PLCL1: variants seen among roughly 807,000 people sequenced by gnomAD.
The protein encoded by PLCL1 is phospholipase C like 1 (inactive).
A neutral mutation model predicts 84.4 loss-of-function variants in PLCL1; 41 were observed. That is an observed-to-expected ratio of 0.49 (90% CI 0.38 to 0.63). The LOEUF is 0.63. Among genes scored for constraint, PLCL1 ranks in the 30% least tolerant of loss-of-function variants. The pLI is 0.00. For missense variants in PLCL1, 1,206 were observed against 1,367.8 expected, an observed-to-expected ratio of 0.88 and a Z score of 1.87; for synonymous variants, 490 against 488.3, an observed-to-expected ratio of 1.00 and a Z score of -0.05.
At chr2:198,108,588 A>T (rs1693544967) in intron 5 of PLCL1, among the ~76,000 whole-genome samples, 1 of 151,926 alleles carries the variant, frequency 6.6e-6, no homozygotes, top group Non-Finnish European at 1.5e-5. Flanking sequence ...TATTACATTT[A>T]TCTGATATTA....
chr2:197,958,419 T>C (rs1300178804), intron 1 of PLCL1, among the ~76,000 whole-genome samples: 1 of 151,980 alleles, frequency 6.6e-6, no homozygotes, highest in African/African-American at 2.4e-5. Flanking sequence ...TACGAATTTG[T>C]GTTGGGCCGC....
chr2:197,945,088 A>G (rs1689245209), intron 1 of PLCL1, among the ~76,000 whole-genome samples: 1 of 152,208 alleles, frequency 6.6e-6, no homozygotes, highest in Admixed American at 6.5e-5. Flanking sequence ...ATCTTATCTA[A>G]ATGTTTAAAA....
intron 1 of PLCL1, among the ~76,000 whole-genome samples, chr2:197,923,199 G>A (rs1574950595): frequency 2.1e-5 from 3 of 144,686 alleles, no homozygotes; most frequent in Admixed American, 1.4e-4. Context: ...GGCTGGCCGG[G>A]CGGGGGGCTG....
chr2:198,008,288 A>G (rs1486929196), intron 1 of PLCL1, among the ~76,000 whole-genome samples: 1 of 152,052 alleles, frequency 6.6e-6, no homozygotes. Flanking sequence ...ATATACTCAC[A>G]TTGTTGTGCA....
chr2:197,998,439 T>C (rs1690521349), intron 1 of PLCL1, among the ~76,000 whole-genome samples: 1 of 152,022 alleles, frequency 6.6e-6, no homozygotes, highest in Non-Finnish European at 1.5e-5. Flanking sequence ...GAAACAGTGA[T>C]GGTTTCATAG....
chr2:197,964,746 T>A (rs1482601827), intron 1 of PLCL1, among the ~76,000 whole-genome samples: 1 of 152,194 alleles, frequency 6.6e-6, no homozygotes, highest in East Asian at 1.9e-4. Flanking sequence ...TTTATTATTT[T>A]GAGGTATGTT....
At chr2:198,124,591 G>A (rs1693944069) in intron 5 of PLCL1, among the ~76,000 whole-genome samples, 1 of 151,986 alleles carries the variant, frequency 6.6e-6, no homozygotes, top group South Asian at 2.1e-4. Context: ...GGAATTCAGT[G>A]GCACTCAATT....
intron 1 of PLCL1, among the ~76,000 whole-genome samples, chr2:197,842,914 A>T (rs3851979): frequency 0.19 from 29,578 of 152,144 alleles, 2,938 homozygotes; most frequent in East Asian, 0.27. Flanking sequence ...TTTGCTAGGC[A>T]GTAAGGAATA....
intron 1 of PLCL1, among the ~76,000 whole-genome samples, chr2:198,037,314 T>C (rs1001970747): frequency 6.6e-6 from 1 of 152,190 alleles, no homozygotes; most frequent in Non-Finnish European, 1.5e-5. Flanking sequence ...TGGATAAATG[T>C]ACAGTCTTGA....
intron 5 of PLCL1, among the ~76,000 whole-genome samples, chr2:198,132,767 A>G (rs994721527): frequency 8.6e-5 from 13 of 151,970 alleles, no homozygotes; most frequent in Non-Finnish European, 1.6e-4. Context: ...ATTTTCTCCC[A>G]TGTTGTAGGT....
intron 1 of PLCL1, among the ~76,000 whole-genome samples, chr2:197,882,633 G>A (rs1687851698): frequency 6.6e-6 from 1 of 152,018 alleles, no homozygotes; most frequent in East Asian, 1.9e-4. Context: ...ACTCCCAAAT[G>A]TATAGGCAAC....
At chr2:197,942,570 C>T (rs568589143) in intron 1 of PLCL1, among the ~76,000 whole-genome samples, 19 of 152,156 alleles carry the variant, frequency 1.2e-4, no homozygotes, top group Admixed American at 3.3e-4. Flanking sequence ...AAAAGTATGA[C>T]GAGAACTATG....
rs143397376 is a variant in PLCL1 at position 198,012,172 on chromosome 2, T to C, written c.241-71586T>C. On this transcript the variant is annotated intron_variant, in intron 1 of 5. Coordinates refer to ENST00000428675, the MANE Select transcript of PLCL1 (RefSeq NM_006226.4). ...GCTCAGAGTGAATGGAATCTTTCTGTGTGTTACCTACTTTGCAGTGCAGGT... is the reference window on the plus strand; with the variant it reads ...GCTCAGAGTGAATGGAATCTTTCTGCGTGTTACCTACTTTGCAGTGCAGGT... Among the ~76,000 whole-genome samples, 195 of 152,220 alleles carry C rather than the reference T, an allele frequency of 1.3e-3. 1 individual carries two copies. Among genetic ancestry groups the C allele is most frequent in the African/African-American group, 4.1e-3 (170 of 41,548 alleles).
chr2:198,013,044 A>G (rs1438659482), intron 1 of PLCL1, among the ~76,000 whole-genome samples: 2 of 152,118 alleles, frequency 1.3e-5, no homozygotes, highest in Admixed American at 6.6e-5. Flanking sequence ...ATCCATGAAC[A>G]TAGATTTATC....
At position 197,982,203 on chromosome 2, in the gene PLCL1, G is replaced by GTA. The variant is rs544265489; in HGVS notation, c.241-101545_241-101544dup. Among the ~76,000 whole-genome samples, 136 of 149,242 alleles carry GTA rather than the reference G, an allele frequency of 9.1e-4. 3 individuals carry two copies. The South Asian group carries it at 0.015, about 16-fold the overall frequency. On this transcript the variant is annotated intron_variant, in intron 1 of 5. Coordinates refer to ENST00000428675, the MANE Select transcript of PLCL1 (RefSeq NM_006226.4). ...ACGAATTTTAATCAATAGAATTTATGTATATATATATGTATATATATATAT... is the reference window on the plus strand; with the variant it reads ...ACGAATTTTAATCAATAGAATTTATGTATATATATATATGTATATATATATAT...
chr2:198,040,207 A>G (rs1206436190), intron 1 of PLCL1, among the ~76,000 whole-genome samples: 1 of 152,164 alleles, frequency 6.6e-6, no homozygotes, highest in Non-Finnish European at 1.5e-5. Flanking sequence ...GAGGAGGGTA[A>G]GGGAAAATAT....
At chr2:198,064,351 C>T (rs1303766616) in intron 1 of PLCL1, among the ~76,000 whole-genome samples, 1 of 152,080 alleles carries the variant, frequency 6.6e-6, no homozygotes, top group African/African-American at 2.4e-5. Context: ...GATTGAGCTC[C>T]TTAATTCGGG....
rs16827882 is a variant in PLCL1, at chr2:198,137,206, C to T, written c.3106-9574C>T. 3.6e-3 allele frequency among the ~76,000 whole-genome samples: 553 copies of T among 152,202 alleles called. 7 individuals are homozygous for T. The highest frequency in any genetic ancestry group is 0.012 in the African/African-American group (514 of 41,542). On this transcript the variant is annotated intron_variant, in intron 5 of 5. Coordinates refer to ENST00000428675, the MANE Select transcript of PLCL1 (RefSeq NM_006226.4). ...AAAAACAACTCTTGGCCTGGGAAGC[C>T]GGCATTATTCATTTCCTTCACACTT...
At chr2:198,105,942 T>TCTTGACAGC (rs1693463886) in intron 5 of PLCL1, among the ~76,000 whole-genome samples, 1 of 151,938 alleles carries the variant, frequency 6.6e-6, no homozygotes, top group Non-Finnish European at 1.5e-5. Context: ...AAGAAATGAT[T>TCTTGACAGC]TAGGCAGACA....
Sources: allele counts gnomAD v4.1 joint callset (sites outside exome capture counted in the v4.1 genomes callset), GRCh38; gene constraint gnomAD v4.1.1; transcripts MANE v1.5; gene names NCBI Gene and HGNC (gene_info 2026-07-23, HGNC 2026-07-21).